The following MED12L variants were observed in gnomAD, a reference collection of about 807,000 sequenced individuals.
The protein encoded by MED12L is mediator complex subunit 12L.
In MED12L, 60 loss-of-function variants were observed where a neutral mutation model predicts 281.3. That is an observed-to-expected ratio of 0.21 (90% CI 0.17 to 0.26). MED12L has a LOEUF of 0.26. MED12L is among the 10% of genes least tolerant of loss of function. MED12L has a pLI of 1.00. For missense variants in MED12L, 2,146 were observed against 2,680.9 expected, an observed-to-expected ratio of 0.80 and a Z score of 4.41; for synonymous variants, 974 against 987.2, an observed-to-expected ratio of 0.99 and a Z score of 0.25.
At position 151,436,396 on chromosome 3, in the gene MED12L, A is replaced by G; in HGVS notation, c.*3592A>G. The stretch of plus-strand genomic sequence containing the variant: ...AGTTCATTTTTTTACTGAAAAATTC[A>G]GGTACATTAGCCATTTGTTATTTTA... On this transcript the variant is annotated 3_prime_UTR_variant, in exon 45 of 45. Transcript: ENST00000687756. The G allele has an allele frequency of 4.1e-6, 1 of 243,068 alleles. No individual in the cohort carries two copies. The highest frequency in any genetic ancestry group is 7.9e-6 in the Non-Finnish European group (1 of 126,108). The allele number at this position is 243,068 out of a possible 1,614,324, so 15.1% of individuals were successfully genotyped here.
chr3:151,160,041 A>G lies in MED12L; in HGVS notation c.1047A>G (p.Ser349=). ...TGAGCCCCGTGCAGCTGGCCTTCTCAGATTTTCTTTCCTGTGCACAGCATG... is the reference window on the plus strand; with the variant it reads ...TGAGCCCCGTGCAGCTGGCCTTCTCGGATTTTCTTTCCTGTGCACAGCATG... The part of the protein sequence containing the change: ...PGMSPVQLAF[S]DFLSCAQHGP... Residue 349 remains serine (S), a synonymous_variant, in exon 8 of 45, where the codon TCA becomes TCG. Transcript: ENST00000687756. 6.2e-7 allele frequency: 1 copy of G among 1,614,136 alleles called. No homozygotes were observed. The highest frequency in any genetic ancestry group is 8.5e-7 in the Non-Finnish European group (1 of 1,180,022).
intron 16 of MED12L, among the ~76,000 whole-genome samples, chr3:151,271,192 TAAAA>T (rs538641565): frequency 6.6e-6 from 1 of 151,920 alleles, no homozygotes; most frequent in Non-Finnish European, 1.5e-5. Context: ...CTCAGTTTCT[TAAAA>T]AAAATGCTGA....
At chr3:151,399,060 CT>C (rs1715330297) in intron 39 of MED12L, among the ~76,000 whole-genome samples, 1 of 151,948 alleles carries the variant, frequency 6.6e-6, no homozygotes. Flanking sequence ...AAAAAAAGAA[CT>C]ATTTCTATTT....
At chr3:151,287,397 A>G (rs949054147) in intron 16 of MED12L, among the ~76,000 whole-genome samples, 4 of 152,102 alleles carry the variant, frequency 2.6e-5, no homozygotes, top group African/African-American at 4.8e-5. Context: ...TGCCTTGTCT[A>G]TTTCTGGGGG....
Position 151,178,594 on chromosome 3 carries a change from C to A in MED12L, c.1495-6736C>A, listed in dbSNP as rs932644030. On this transcript the variant is annotated intron_variant, in intron 11 of 44. Coordinates refer to ENST00000687756, the MANE Select transcript of MED12L (RefSeq NM_001393769.1). ...TTGCTTTACCTGTTTGGTTCATTTC[C>A]ACGAGTTATGTTGTGGGAAGAGCTC... is the stretch of plus-strand genomic sequence containing the variant. Among the ~76,000 whole-genome samples, 5 of 152,282 alleles carry A rather than the reference C, an allele frequency of 3.3e-5. No individual in the cohort carries two copies. In the South Asian group the frequency reaches 1.0e-3, roughly 32 times the overall value.
chr3:151,218,333 A>G (rs1728633771), intron 16 of MED12L, among the ~76,000 whole-genome samples: 1 of 152,184 alleles, frequency 6.6e-6, no homozygotes, highest in South Asian at 2.1e-4. Context: ...AAAGATGAAC[A>G]GGACTTCTGG....
At chr3:151,258,375 A>T (rs1738225951) in intron 16 of MED12L, among the ~76,000 whole-genome samples, 1 of 152,204 alleles carries the variant, frequency 6.6e-6, no homozygotes, top group Non-Finnish European at 1.5e-5. Context: ...GTCATTGTGT[A>T]TAAACCAGGT....
At chr3:151,242,556 CCTGT>C (rs1734417110) in intron 16 of MED12L, among the ~76,000 whole-genome samples, 1 of 152,208 alleles carries the variant, frequency 6.6e-6, no homozygotes. Context: ...AGCTGAGGGT[CCTGT>C]CTGTTACAAG....
chr3:151,144,154 G>A (rs2148880413), intron 5 of MED12L, among the ~76,000 whole-genome samples: 1 of 152,298 alleles, frequency 6.6e-6, no homozygotes, highest in Admixed American at 6.5e-5. Context: ...TGGTGTGACT[G>A]ATGTGTCAAA....
chr3:151,238,058 G>GT (rs1477433107), intron 16 of MED12L, among the ~76,000 whole-genome samples: 3 of 152,078 alleles, frequency 2.0e-5, no homozygotes, highest in Non-Finnish European at 4.4e-5. Flanking sequence ...TCAAATTATC[G>GT]TTTTTTTCTT....
intron 5 of MED12L, among the ~76,000 whole-genome samples, chr3:151,152,510 G>GC (rs1718691682): frequency 6.6e-6 from 1 of 152,132 alleles, no homozygotes; most frequent in South Asian, 2.1e-4. Context: ...TGAGGCAGAG[G>GC]CAGGGTCTGA....
intron 16 of MED12L, among the ~76,000 whole-genome samples, chr3:151,230,710 C>T (rs886608247): frequency 2.0e-5 from 3 of 151,954 alleles, no homozygotes; most frequent in Non-Finnish European, 4.4e-5. Flanking sequence ...GCTCAAAGTC[C>T]TTAATAAAAA....
chr3:151,253,955 A>G (rs1384152152), intron 16 of MED12L, among the ~76,000 whole-genome samples: 2 of 150,724 alleles, frequency 1.3e-5, no homozygotes, highest in Non-Finnish European at 3.0e-5. Context: ...AGTCCAAGGA[A>G]TGGATACATT....
chr3:151,369,379 T>C (rs574286881), intron 25 of MED12L, 57 bp from the exon 26 acceptor site: 265 of 1,229,582 alleles, frequency 2.2e-4, no homozygotes, highest in Non-Finnish European at 3.0e-4. Context: ...CTGTAAATAA[T>C]TACAAAACAT....
intron 16 of MED12L, among the ~76,000 whole-genome samples, chr3:151,281,235 A>C: frequency 7.9e-6 from 1 of 126,688 alleles, no homozygotes; most frequent in Non-Finnish European, 1.5e-5. Flanking sequence ...AAAAATACAA[A>C]AAAAAAAAAA....
intron 16 of MED12L, among the ~76,000 whole-genome samples, chr3:151,227,217 C>T (rs1257552076): frequency 6.6e-6 from 1 of 152,222 alleles, no homozygotes; most frequent in East Asian, 1.9e-4. Flanking sequence ...GCTAAGTTTT[C>T]ACATTAGAAA....
At position 151,162,415 on chromosome 3, in the gene MED12L, T is replaced by C. The variant is rs1720116565; in HGVS notation, c.1108-1478T>C. Among the ~76,000 whole-genome samples the C allele has an allele frequency of 2.0e-5, 3 of 152,072 alleles. No individual in the cohort carries two copies. In the South Asian group the frequency reaches 6.2e-4, roughly 31 times the overall value. ...TTTTTTTATTTTTATTTTTTTTAAATTGATTGATGAATTGATTGAGACAGG... is the reference window on the plus strand; with the variant it reads ...TTTTTTTATTTTTATTTTTTTTAAACTGATTGATGAATTGATTGAGACAGG... On this transcript the variant is annotated intron_variant, in intron 8 of 44. Transcript: ENST00000687756.
At chr3:151,156,380 A>G (rs764570264) in intron 6 of MED12L, 50 bp downstream of exon 6, 2 of 1,508,078 alleles carry the variant, frequency 1.3e-6, no homozygotes, top group Non-Finnish European at 1.8e-6. Context: ...TTAAGAAGAC[A>G]GCAAATTCCT....
At chr3:151,247,841 GAGTCAC>G (rs1184852623) in intron 16 of MED12L, among the ~76,000 whole-genome samples, 7 of 151,536 alleles carry the variant, frequency 4.6e-5, no homozygotes, top group Non-Finnish European at 1.0e-4. Context: ...TTGTTGACAA[GAGTCAC>G]AGTTTTTAAA....
Sources: gnomAD v4.1 joint callset for allele counts (sites outside exome capture counted in the v4.1 genomes callset) on GRCh38, gnomAD v4.1.1 for gene constraint, MANE v1.5 for transcripts, NCBI Gene and HGNC (gene_info 2026-07-23, HGNC 2026-07-21) for gene names.